The following JAM3 variants were observed in gnomAD, a reference collection of about 807,000 sequenced individuals.
The protein encoded by JAM3 is junctional adhesion molecule 3.
JAM3 carries 31 observed loss-of-function variants against 39.4 expected under a neutral mutation model. That is an observed-to-expected ratio of 0.79 (90% confidence interval 0.59 to 1.06). JAM3 has a LOEUF of 1.06. JAM3 is among the 50% of genes least tolerant of loss of function. JAM3 has a pLI of 0.00. For missense variants in JAM3, 455 were observed against 391.4 expected (o/e 1.16, Z -1.37); for synonymous variants, 182 against 148.7 (o/e 1.22, Z -1.63).
Position 134,150,079 on chromosome 11 carries a change from A to T in JAM3, c.*898A>T, listed in dbSNP as rs570541057. Reference sequence around the variant, plus strand: ...CCAAGCTACTAGTGTTAAATTGGAAAATATCAATAATTAAGAGTATTTTAC... The same window carrying T: ...CCAAGCTACTAGTGTTAAATTGGAATATATCAATAATTAAGAGTATTTTAC... On this transcript the variant is annotated 3_prime_UTR_variant, in exon 9 of 9. Coordinates refer to ENST00000299106, the MANE Select transcript of JAM3 (RefSeq NM_032801.5). 1 of 155,752 alleles carries T rather than the reference A, an allele frequency of 6.4e-6. No individual in the cohort carries two copies. The highest frequency in any genetic ancestry group is 6.4e-5 in the Admixed American group (1 of 15,600). The allele number at this position is 155,752 out of a possible 1,614,324, so 9.6% of individuals were successfully genotyped here. A position where few individuals can be genotyped will look rare whatever the true frequency, so the allele number is the denominator to read the frequency against.
chr11:134,148,995 CT>C (rs1451154436), intron 8 of JAM3, 150 bp from the exon 9 acceptor site: 5 of 976,828 alleles, frequency 5.1e-6, no homozygotes, highest in Non-Finnish European at 8.0e-6. Context: ...CACACACACA[CT>C]AATGGGATTT....
chr11:134,074,634 T>TC (rs1565480342), intron 1 of JAM3, among the ~76,000 whole-genome samples: 1 of 152,116 alleles, frequency 6.6e-6, no homozygotes, highest in South Asian at 2.1e-4. Context: ...ATTACCGGCC[T>TC]CCCCCCTTCT....
chr11:134,122,162 G>T (rs1373396239), intron 1 of JAM3, among the ~76,000 whole-genome samples: 1 of 152,146 alleles, frequency 6.6e-6, no homozygotes, highest in East Asian at 1.9e-4. Context: ...TAGGAAATAG[G>T]CAGTTCACAT....
At chr11:134,131,416 T>TA (rs1024039058) in intron 1 of JAM3, among the ~76,000 whole-genome samples, 3 of 151,464 alleles carry the variant, frequency 2.0e-5, no homozygotes, top group African/African-American at 7.3e-5. Context: ...GTAATTTTTT[T>TA]AAAAAACACA....
At chr11:134,142,017 C>CTT (rs1942982991) in intron 3 of JAM3, among the ~76,000 whole-genome samples, 3 of 151,986 alleles carry the variant, frequency 2.0e-5, no homozygotes, top group African/African-American at 7.2e-5. Context: ...CCCTCCTTTG[C>CTT]CTCTTATTTT....
At chr11:134,113,943 GTGA>G (rs1388989165) in intron 1 of JAM3, among the ~76,000 whole-genome samples, 5 of 152,336 alleles carry the variant, frequency 3.3e-5, no homozygotes, top group East Asian at 1.9e-4. Flanking sequence ...CTGATGGCCA[GTGA>G]TGATGAGCAT....
At chr11:134,079,966 TTTTTGTTTGTTTGTTTTG>T (rs1941637560) in intron 1 of JAM3, among the ~76,000 whole-genome samples, 1 of 150,718 alleles carries the variant, frequency 6.6e-6, no homozygotes, top group Non-Finnish European at 1.5e-5. Flanking sequence ...AGAACCCTCG[TTTTTGTTTGTTTGTTTTG>T]TTTTGTTCTT....
chr11:134,082,182 T>C lies in JAM3; in HGVS notation c.76+13023T>C, dbSNP rs143372477. Among the ~76,000 whole-genome samples the C allele has an allele frequency of 8.6e-3, 1,306 of 152,376 alleles. 14 individuals carry two copies. The highest frequency in any genetic ancestry group is 0.028 in the Admixed American group (424 of 15,306). ...CCCATTTGGAATGGCTTTATTTACC[T>C]AATGCCTATACCACATTGTATCTGG... On this transcript the variant is annotated intron_variant, in intron 1 of 8. Coordinates refer to ENST00000299106, the MANE Select transcript of JAM3 (RefSeq NM_032801.5).
chr11:134,146,174 G>C (rs768080269), intron 6 of JAM3, 129 bp downstream of exon 6: 2 of 736,530 alleles, frequency 2.7e-6, no homozygotes, highest in African/African-American at 1.7e-5. Flanking sequence ...AGCTGCCTAG[G>C]TCCACCAGAA....
chr11:134,103,837 C>T (rs1313484309), intron 1 of JAM3, among the ~76,000 whole-genome samples: 4 of 152,294 alleles, frequency 2.6e-5, no homozygotes, highest in Non-Finnish European at 2.9e-5. Flanking sequence ...GCACTCAATA[C>T]AGGAGCACCC....
chr11:134,123,966 A>G lies in JAM3; in HGVS notation c.77-15885A>G, dbSNP rs903198939. The stretch of plus-strand genomic sequence containing the variant: ...AAACTGAACTGCATCTTCGTACTTC[A>G]TTCCATATTCAATCAAAGCAAGTGC... On this transcript the variant is annotated intron_variant, in intron 1 of 8. Transcript: ENST00000299106. 8.0e-6 allele frequency: 12 copies of G among 1,509,150 alleles called. No homozygotes were observed. The African/African-American group carries it at 1.7e-4, about 21-fold the overall frequency. The allele number at this position is 1,509,150 out of a possible 1,614,324, so 93.5% of individuals were successfully genotyped here. A position where few individuals can be genotyped will look rare whatever the true frequency, so the allele number is the denominator to read the frequency against.
At chr11:134,110,071 G>A (rs763890002) in intron 1 of JAM3, among the ~76,000 whole-genome samples, 1 of 152,100 alleles carries the variant, frequency 6.6e-6, no homozygotes, top group South Asian at 2.1e-4. Flanking sequence ...AACCTAATTT[G>A]CATCATTTAA....
chr11:134,085,277 T>C (rs75736467), intron 1 of JAM3, among the ~76,000 whole-genome samples: 1,554 of 152,356 alleles, frequency 0.01, 22 homozygotes, highest in African/African-American at 0.035. Context: ...TAATGAATTA[T>C]GAAGTAGAAA....
chr11:134,122,483 G>T (rs1413928335), intron 1 of JAM3, among the ~76,000 whole-genome samples: 5 of 152,174 alleles, frequency 3.3e-5, no homozygotes, highest in African/African-American at 1.2e-4. Flanking sequence ...ACTAAACCCA[G>T]CCAAGAATCT....
At chr11:134,095,815 C>G (rs1014763381) in intron 1 of JAM3, among the ~76,000 whole-genome samples, 6 of 152,106 alleles carry the variant, frequency 3.9e-5, no homozygotes, top group African/African-American at 1.4e-4. Flanking sequence ...GTATACCAGA[C>G]ATCTTAAACA....
intron 1 of JAM3, among the ~76,000 whole-genome samples, chr11:134,138,830 TCTGA>T (rs1428429445): frequency 2.0e-5 from 3 of 152,176 alleles, no homozygotes; most frequent in African/African-American, 4.8e-5. Flanking sequence ...ATTAGTGAAA[TCTGA>T]CTATTTAGAA....
intron 6 of JAM3, among the ~76,000 whole-genome samples, chr11:134,146,522 G>A (rs1473860631): frequency 6.6e-6 from 1 of 151,998 alleles, no homozygotes; most frequent in African/African-American, 2.4e-5. Flanking sequence ...GGTGGGGGCA[G>A]AGAGGATGTG....
In JAM3 at chr11:134,144,806, CCT is replaced by C. The variant is rs779985833; in HGVS notation, c.425_426del (p.Pro142ArgfsTer3). On this transcript the variant is annotated frameshift_variant, in exon 5 of 9. Transcript: ENST00000299106. LOFTEE classifies it high-confidence loss of function. ...ELTVQVKPVT[P>X]VCRVPKAVPV... The stretch of plus-strand genomic sequence containing the variant: ...TTTCCCCACAGTGAAGCCAGTGACC[CCT>C]GTCTGTAGAGTGCCGAAGGCTGTAC... 12 of 1,613,978 alleles carry C rather than the reference CCT, an allele frequency of 7.4e-6. No individual in the cohort carries two copies. The highest frequency in any genetic ancestry group is 1.3e-5 in the African/African-American group (1 of 74,894).
chr11:134,086,779 A>C (rs1470136051), intron 1 of JAM3, among the ~76,000 whole-genome samples: 1 of 152,036 alleles, frequency 6.6e-6, no homozygotes, highest in African/African-American at 2.4e-5. Context: ...TCTTATTTCA[A>C]GTTTTAAAAA....
Sources: gnomAD v4.1 joint callset for allele counts (sites outside exome capture counted in the v4.1 genomes callset) on GRCh38, gnomAD v4.1.1 for gene constraint, MANE v1.5 for transcripts, NCBI Gene and HGNC (gene_info 2026-07-23, HGNC 2026-07-21) for gene names.